The following MTIF2 variants were observed in gnomAD, a reference collection of about 807,000 sequenced individuals.
The protein encoded by MTIF2 is translation initiation factor IF-2, mitochondrial.
Under a neutral mutation model 83.5 loss-of-function variants are expected in MTIF2, and 71 were observed. The observed-to-expected ratio is 0.85, with a 90% CI of 0.70 to 1.04. MTIF2 has a LOEUF of 1.04. Among genes scored for constraint, MTIF2 ranks in the 50% least tolerant of loss-of-function variants. The pLI is 0.00. For missense variants in MTIF2, 957 were observed against 846.5 expected, an observed-to-expected ratio of 1.13 and a Z score of -1.62; for synonymous variants, 319 against 287.1, an observed-to-expected ratio of 1.11 and a Z score of -1.12.
intron 13 of MTIF2, among the ~76,000 whole-genome samples, chr2:55,242,142 CAAAAAAAAA>C (rs57923810): frequency 7.9e-5 from 7 of 88,664 alleles, no homozygotes; most frequent in African/African-American, 1.1e-4. Context: ...GCTCTGTCTC[CAAAAAAAAA>C]AAAAAGAAAA....
chr2:55,244,036 T>C lies in MTIF2; in HGVS notation c.1304A>G (p.Glu435Gly). The C allele has an allele frequency of 6.2e-7, 1 of 1,613,734 alleles. No homozygotes were observed. Among genetic ancestry groups the C allele is most frequent in the Non-Finnish European group, 8.5e-7 (1 of 1,179,756 alleles). The change falls in exon 11 of 16, where the codon GAA (glutamate) becomes GGA (glycine). Residue 435 changes from glutamate to glycine, a missense_variant. Physicochemically the swap from Glu to Gly is moderately conservative, Grantham distance 98 (BLOSUM62 -2). Transcript: ENST00000263629. ...PSAGEEILEV[E>G]SEPRAREVVD... ...GAATTAAGCTTGATACACCTCAGAT[T>C]CTACTTCAAGAATTTCTTCTCCTGC...
At position 55,238,058 on chromosome 2, in the gene MTIF2, T is replaced by A. The variant is rs530518000; in HGVS notation, c.1871-630A>T. Among the ~76,000 whole-genome samples the A allele has an allele frequency of 5.3e-5, 8 of 152,090 alleles. No homozygotes were observed. In the South Asian group the frequency reaches 8.3e-4, roughly 16 times the overall value. On this transcript the variant is annotated intron_variant, in intron 14 of 15. Transcript: ENST00000263629. ...ATTACTTTATTTCTCTGTTATTTTTTAAAAAAAATTTTTATAGATGGGTCA... is the reference window on the plus strand; with the variant it reads ...ATTACTTTATTTCTCTGTTATTTTTAAAAAAAAATTTTTATAGATGGGTCA...
intron 5 of MTIF2, 60 bp downstream of exon 5, chr2:55,262,256 A>T: frequency 8.5e-7 from 1 of 1,178,370 alleles, no homozygotes. Context: ...TCTCGTTGCA[A>T]ATAAAATGCC....
chr2:55,263,648 T>A lies in MTIF2; in HGVS notation c.211A>T (p.Thr71Ser). The A allele has an allele frequency of 1.3e-6, 2 of 1,593,876 alleles. No individual in the cohort carries two copies. Among genetic ancestry groups the A allele is most frequent in the South Asian group, 2.3e-5 (2 of 86,004 alleles). ...AAGAAATCTGTAACTACCTTTTTTG[T>A]TACTAGAAGCCTATACTGAGATAAA... ...AALSQYRLLV[T>S]KKEEGPWKSQ... The change falls in exon 4 of 16, where the codon ACA becomes TCA. Residue 71 changes from threonine (T) to serine (S), a missense_variant. Thr to Ser is a moderately conservative substitution (Grantham distance 58, BLOSUM62 1). Transcript: ENST00000263629.
rs770706547 is a variant in MTIF2 at position 55,262,388 on chromosome 2, A to T, written c.259T>A (p.Ser87Thr). Reference protein sequence around the residue: ...PWKSQLSSTKSKKVVEVWIGM... With the variant: ...PWKSQLSSTKTKKVVEVWIGM... ...ATCCATACTTCTACCACCTTTTTAG[A>T]TTTTGTTGAAGATAACTGAGATTTC... The change falls in exon 5 of 16, where the codon TCT (serine) becomes ACT (threonine). Residue 87 changes from serine to threonine, a missense_variant. By Grantham distance (58) the Ser-to-Thr change is moderately conservative (BLOSUM62 1). Coordinates refer to ENST00000263629, the MANE Select transcript of MTIF2 (RefSeq NM_002453.3). 6.2e-7 allele frequency: 1 copy of T among 1,613,454 alleles called. No homozygotes were observed. Among genetic ancestry groups the T allele is most frequent in the African/African-American group, 1.3e-5 (1 of 74,828 alleles).
At chr2:55,266,519 CTG>C (rs1678440734) in intron 3 of MTIF2, 1 of 111,910 alleles carries the variant, frequency 8.9e-6, no homozygotes, top group South Asian at 2.8e-4. Context: ...GAGCGAGACT[CTG>C]TCTCAAAAAA....
chr2:55,256,328 A>ACACACACAATAT (rs149034173), intron 5 of MTIF2, among the ~76,000 whole-genome samples: 32 of 138,776 alleles, frequency 2.3e-4, no homozygotes, highest in African/African-American at 7.4e-4. Context: ...ACACACACAC[A>ACACACACAATAT]ATATATATCT....
chr2:55,266,971 T>C (rs2104490326), intron 3 of MTIF2, among the ~76,000 whole-genome samples: 1 of 152,130 alleles, frequency 6.6e-6, no homozygotes, highest in Middle Eastern at 3.4e-3. Context: ...GGTTTTACCA[T>C]GTTGGCCAGG....
intron 8 of MTIF2, among the ~76,000 whole-genome samples, chr2:55,249,988 G>A (rs1349597572): frequency 6.6e-6 from 1 of 152,122 alleles, no homozygotes; most frequent in Non-Finnish European, 1.5e-5. Flanking sequence ...AGCTACTTGG[G>A]AGCCTGAGGC....
chr2:55,268,728 T>C lies in MTIF2; in HGVS notation c.-225A>G, dbSNP rs1678616224. On this transcript the variant is annotated 5_prime_UTR_variant, in exon 2 of 16. Transcript: ENST00000263629. Reference sequence around the variant, plus strand: ...GTGTTGTTTCGCCGCTAGGATATCCTTGTCAAGGAATCTGAAAAAAGTATG... The same window carrying C: ...GTGTTGTTTCGCCGCTAGGATATCCCTGTCAAGGAATCTGAAAAAAGTATG... 1 of 152,238 alleles carries C rather than the reference T, an allele frequency of 6.6e-6. No homozygotes were observed. Among genetic ancestry groups the C allele is most frequent in the Non-Finnish European group, 1.5e-5 (1 of 68,070 alleles). 9.4% of individuals were successfully genotyped at this position (152,238 alleles called of 1,614,324 possible). A position where few individuals can be genotyped will look rare whatever the true frequency, so the allele number is the denominator to read the frequency against.
intron 13 of MTIF2, among the ~76,000 whole-genome samples, chr2:55,242,039 G>A (rs1418185797): frequency 1.3e-5 from 2 of 151,638 alleles, no homozygotes; most frequent in African/African-American, 2.4e-5. Flanking sequence ...CCAGCTACTC[G>A]GTGGGGGCTG....
At chr2:55,252,402 CTAAATGAGCTATATG>C in intron 8 of MTIF2, 60 bp downstream of exon 8, 1 of 1,279,170 alleles carries the variant, frequency 7.8e-7, no homozygotes, top group South Asian at 1.3e-5. Context: ...GTTGTGAAGA[CTAAATGAGCTATATG>C]TAAATGGCCC....
rs962598158 is a variant in MTIF2, at chr2:55,243,775, AACT to A, written c.1312-110_1312-108del. The stretch of plus-strand genomic sequence containing the variant: ...GGAAATTAGCTTAACTCATGTATGA[AACT>A]ACTACTTTTATAAGTTTCAAGAAAC... On this transcript the variant is annotated intron_variant, in intron 11 of 15. Transcript: ENST00000263629. 4 of 1,187,540 alleles carry A rather than the reference AACT, an allele frequency of 3.4e-6. No individual in the cohort carries two copies. In the South Asian group the frequency reaches 4.8e-5, roughly 14 times the overall value. The allele number at this position is 1,187,540 out of a possible 1,614,324, so 73.6% of individuals were successfully genotyped here. A position where few individuals can be genotyped will look rare whatever the true frequency, so the allele number is the denominator to read the frequency against.
chr2:55,242,861 C>A, intron 13 of MTIF2, 79 bp downstream of exon 13: 2 of 1,445,652 alleles, frequency 1.4e-6, no homozygotes. Flanking sequence ...GTGTGACAAG[C>A]CAAGCAACAA....
intron 9 of MTIF2, among the ~76,000 whole-genome samples, chr2:55,247,765 C>T (rs1676808249): frequency 2.0e-5 from 3 of 152,202 alleles, no homozygotes; most frequent in Admixed American, 2.0e-4. Flanking sequence ...CTCCCTGCCA[C>T]TCTCTTCCAA....
intron 5 of MTIF2, among the ~76,000 whole-genome samples, chr2:55,260,296 G>A (rs1677863899): frequency 6.6e-6 from 1 of 151,878 alleles, no homozygotes; most frequent in South Asian, 2.1e-4. Context: ...CTACTCGGGA[G>A]GCTTGAGACA....
At chr2:55,238,947 A>G (rs542320727) in intron 14 of MTIF2, among the ~76,000 whole-genome samples, 1 of 152,346 alleles carries the variant, frequency 6.6e-6, no homozygotes, top group South Asian at 2.1e-4. Flanking sequence ...TATGTAGACC[A>G]AAAATGCAAA....
chr2:55,252,294 T>G (rs932987318), intron 8 of MTIF2, among the ~76,000 whole-genome samples, 183 bp downstream of exon 8: 1 of 152,228 alleles, frequency 6.6e-6, no homozygotes, highest in Non-Finnish European at 1.5e-5. Flanking sequence ...AACTCCCAAG[T>G]TGAATCCTGC....
Position 55,242,977 on chromosome 2 carries a change from T to G in MTIF2, c.1668A>C (p.Val556=). The G allele has an allele frequency of 6.2e-7, 1 of 1,612,354 alleles. No individual in the cohort carries two copies. The highest frequency in any genetic ancestry group is 1.7e-4 in the Middle Eastern group (1 of 5,986). The change falls in exon 13 of 16, where the codon GTA becomes GTC. Residue 556 remains valine (V), a synonymous_variant. Transcript: ENST00000263629. ...CAGCAAGGTTAACATCATTTGCACT[T>G]ACATCACCCACTCCAAAATGTACTA... ...LELVHFGVGD[V]SANDVNLAET...
Sources: allele counts gnomAD v4.1 joint callset (sites outside exome capture counted in the v4.1 genomes callset), GRCh38; gene constraint gnomAD v4.1.1; transcripts MANE v1.5; gene names NCBI Gene and HGNC (gene_info 2026-07-23, HGNC 2026-07-21).